Variants in ROBO2 observed in about 807,000 individuals in gnomAD.
The protein encoded by ROBO2 is roundabout guidance receptor 2, also known as roundabout homolog 2.
Under a neutral mutation model 160.8 loss-of-function variants are expected in ROBO2, and 53 were observed. The observed-to-expected ratio is 0.33, with a 90% CI of 0.26 to 0.41. The LOEUF is 0.41. Ranked by LOEUF, ROBO2 falls within the 10% of genes least tolerant of loss-of-function variation. The probability of loss-of-function intolerance (pLI) is 1.00; values close to 1 mark genes in which losing one functional copy is unlikely to be tolerated. For missense variants in ROBO2, 1,577 were observed against 1,722.4 expected, an observed-to-expected ratio of 0.92 and a Z score of 1.49; for synonymous variants, 664 against 611.7, an observed-to-expected ratio of 1.09 and a Z score of -1.26.
At chr3:76,051,821 T>G (rs2067662930) in intron 2 of ROBO2, among the ~76,000 whole-genome samples, 1 of 152,030 alleles carries the variant, frequency 6.6e-6, no homozygotes, top group Non-Finnish European at 1.5e-5. Flanking sequence ...TAAGATAAAT[T>G]ATATACCTCT....
chr3:77,038,938 C>T (rs2149595845), upstream of ROBO2, among the ~76,000 whole-genome samples: 1 of 152,324 alleles, frequency 6.6e-6, no homozygotes, highest in East Asian at 1.9e-4. Context: ...GGTGCTGGTC[C>T]CTGGAGGGTA....
intron 2 of ROBO2, among the ~76,000 whole-genome samples, chr3:76,180,233 A>G (rs1878207): frequency 0.025 from 3,788 of 152,244 alleles, 251 homozygotes; most frequent in East Asian, 0.23. Flanking sequence ...AGGCAATGAT[A>G]ATCTTCCCTA....
intron 2 of ROBO2, among the ~76,000 whole-genome samples, chr3:75,989,434 T>C (rs1001618482): frequency 6.6e-6 from 1 of 152,178 alleles, no homozygotes; most frequent in Non-Finnish European, 1.5e-5. Context: ...TTAAAGGGGC[T>C]CTATGTTTTA....
chr3:76,096,735 G>A (rs1385174654), intron 2 of ROBO2, among the ~76,000 whole-genome samples: 1 of 152,104 alleles, frequency 6.6e-6, no homozygotes, highest in Non-Finnish European at 1.5e-5. Context: ...AGCAAGATAG[G>A]TGTTGCTATT....
chr3:77,364,916 A>C (rs910744924), intron 2 of ROBO2, among the ~76,000 whole-genome samples: 1 of 152,076 alleles, frequency 6.6e-6, no homozygotes, highest in Non-Finnish European at 1.5e-5. Flanking sequence ...AAGGATAAGC[A>C]GTATACCTAG....
At chr3:76,694,397 A>G (rs1002981818) in intron 2 of ROBO2, among the ~76,000 whole-genome samples, 1 of 152,208 alleles carries the variant, frequency 6.6e-6, no homozygotes, top group Non-Finnish European at 1.5e-5. Context: ...CAAGCTAATT[A>G]GCTAGTTCAG....
At chr3:77,203,302 T>C (rs1042995327) in intron 2 of ROBO2, among the ~76,000 whole-genome samples, 1 of 152,204 alleles carries the variant, frequency 6.6e-6, no homozygotes, top group African/African-American at 2.4e-5. Flanking sequence ...TAATCTTTGA[T>C]GCAAACATGT....
intron 2 of ROBO2, among the ~76,000 whole-genome samples, chr3:76,829,718 G>T (rs1488899637): frequency 2.7e-5 from 4 of 149,644 alleles, no homozygotes; most frequent in Admixed American, 6.7e-5. Flanking sequence ...GCCCAGGCTG[G>T]AGTGCAATGG....
At chr3:77,058,752 G>A (rs565278698) in intron 1 of ROBO2, among the ~76,000 whole-genome samples, 2 of 151,416 alleles carry the variant, frequency 1.3e-5, no homozygotes, top group East Asian at 2.0e-4. Flanking sequence ...TGCCCAGGCT[G>A]GTCTCCAACT....
At chr3:76,179,634 T>C (rs952346533) in intron 2 of ROBO2, among the ~76,000 whole-genome samples, 1 of 152,144 alleles carries the variant, frequency 6.6e-6, no homozygotes, top group Admixed American at 6.6e-5. Context: ...TGACTTTCCC[T>C]TCTTCCAATT....
At chr3:77,194,725 T>C (rs1288413391) in intron 2 of ROBO2, among the ~76,000 whole-genome samples, 2 of 152,164 alleles carry the variant, frequency 1.3e-5, no homozygotes, top group Non-Finnish European at 2.9e-5. Flanking sequence ...TGTTTTATTG[T>C]TTAAAACTTT....
chr3:76,873,558 AG>A (rs2072351194), intron 2 of ROBO2, among the ~76,000 whole-genome samples: 2 of 151,710 alleles, frequency 1.3e-5, no homozygotes, highest in African/African-American at 4.8e-5. Context: ...GTTAGTAGTT[AG>A]TAGTAGTAGT....
chr3:77,074,663 A>G (rs1286678096), intron 1 of ROBO2, among the ~76,000 whole-genome samples: 3 of 152,154 alleles, frequency 2.0e-5, no homozygotes, highest in Admixed American at 2.0e-4. Context: ...TAGAGAAAGC[A>G]TCACCTTTAT....
rs1030963498 is a variant in ROBO2, at chr3:76,124,072, A to T, written c.109+186470A>T. Among the ~76,000 whole-genome samples the T allele has an allele frequency of 2.7e-5, 4 of 150,406 alleles. No homozygotes were observed. The East Asian group carries it at 5.8e-4, about 22-fold the overall frequency. On this transcript the variant is annotated intron_variant, in intron 2 of 26. Transcript: ENST00000487694. ...TAAAAATAATGAGTTTTTTTGTTTTAAAAAAACACTAGTATTGATGTCAAG... is the reference window on the plus strand; with the variant it reads ...TAAAAATAATGAGTTTTTTTGTTTTTAAAAAACACTAGTATTGATGTCAAG...
At chr3:76,032,307 G>C (rs1040937349) in intron 2 of ROBO2, among the ~76,000 whole-genome samples, 1 of 151,976 alleles carries the variant, frequency 6.6e-6, no homozygotes, top group Non-Finnish European at 1.5e-5. Flanking sequence ...AAAAAAACCA[G>C]CGCTTGGATT....
chr3:76,221,903 G>A lies in ROBO2; in HGVS notation c.109+284301G>A, dbSNP rs367966615. On this transcript the variant is annotated intron_variant, in intron 2 of 26. Coordinates refer to the ROBO2 transcript ENST00000487694. ...AAGACAAATCCATAACCTGAGAAGG[G>A]TCTATTCCAATAAGCACAAAATGCT... is the stretch of plus-strand genomic sequence containing the variant. 2.9e-3 allele frequency among the ~76,000 whole-genome samples: 439 copies of A among 152,236 alleles called. 4 individuals carry two copies. Among genetic ancestry groups the A allele is most frequent in the South Asian group, 0.019 (92 of 4,818 alleles).
At chr3:77,516,714 T>C (rs1483135852) in intron 5 of ROBO2, among the ~76,000 whole-genome samples, 1 of 151,652 alleles carries the variant, frequency 6.6e-6, no homozygotes, top group Non-Finnish European at 1.5e-5. Flanking sequence ...TTCCAAGTTC[T>C]TACATTTTCA....
rs758459656 is a variant in ROBO2 at position 77,607,960 on chromosome 3, G to A, written c.3293+6G>A. On this transcript the variant is annotated splice_donor_region_variant and intron_variant, in intron 21 of 25. Coordinates refer to ENST00000461745, the Ensembl canonical transcript of ROBO2. The stretch of plus-strand genomic sequence containing the variant: ...GTGGAACAACAAGAAAATGGGTAAA[G>A]ATATTTTATATACTAGCAAAATGGC... The A allele has an allele frequency of 6.2e-7, 1 of 1,613,672 alleles. No individual in the cohort carries two copies. The highest frequency in any genetic ancestry group is 8.5e-7 in the Non-Finnish European group (1 of 1,179,920).
intron 2 of ROBO2, among the ~76,000 whole-genome samples, chr3:76,002,505 G>C (rs765387434): frequency 2.0e-5 from 3 of 152,068 alleles, no homozygotes; most frequent in Non-Finnish European, 4.4e-5. Flanking sequence ...TCTTGTAGTG[G>C]TGAATGAGTC....
Sources: allele counts gnomAD v4.1 joint callset (sites outside exome capture counted in the v4.1 genomes callset), GRCh38; gene constraint gnomAD v4.1.1; transcripts MANE v1.5; gene names NCBI Gene and HGNC (gene_info 2026-07-23, HGNC 2026-07-21).